Variants in ZFAT observed in about 807,000 individuals in gnomAD.
ZFAT encodes the protein zinc finger and AT-hook domain containing.
Under a neutral mutation model 117.7 loss-of-function variants are expected in ZFAT, and 64 were observed. The observed-to-expected ratio is 0.54, with a 90% confidence interval of 0.44 to 0.67. The LOEUF (loss-of-function observed/expected upper bound fraction) is 0.67. Ranked by LOEUF, ZFAT falls within the 30% of genes least tolerant of loss-of-function variation. The pLI is 0.00. For missense variants in ZFAT, 1,433 were observed against 1,584.5 expected (o/e 0.90, Z 1.62); for synonymous variants, 679 against 615.0 (o/e 1.10, Z -1.54).
At chr8:134,507,761 G>C (rs541852887) in intron 15 of ZFAT, among the ~76,000 whole-genome samples, 5 of 152,230 alleles carry the variant, frequency 3.3e-5, no homozygotes, top group Admixed American at 1.3e-4. Flanking sequence ...AATCAATCTA[G>C]TTCTCAGAAA....
the ZFAT span, among the ~76,000 whole-genome samples, chr8:134,802,238 G>A: frequency 6.6e-6 from 1 of 152,128 alleles, no homozygotes; most frequent in African/African-American, 2.4e-5. Flanking sequence ...ATCTGAAACA[G>A]CCTTATTTTA....
At chr8:134,811,519 T>C in the ZFAT span, among the ~76,000 whole-genome samples, 55 of 152,302 alleles carry the variant, frequency 3.6e-4, 1 homozygote, top group East Asian at 9.6e-3. Flanking sequence ...GACAGAATGA[T>C]AGGGGAAACA....
At chr8:134,522,913 G>A (rs1820764701) in intron 12 of ZFAT, among the ~76,000 whole-genome samples, 1 of 152,114 alleles carries the variant, frequency 6.6e-6, no homozygotes, top group African/African-American at 2.4e-5. Context: ...GAGAATATCA[G>A]GTAAGAACTT....
At chr8:134,535,048 C>A (rs1821730463) in intron 11 of ZFAT, among the ~76,000 whole-genome samples, 1 of 152,208 alleles carries the variant, frequency 6.6e-6, no homozygotes. Flanking sequence ...CCCACTGTGA[C>A]AGCTGTGACA....
chr8:134,600,394 C>A (rs777068185), intron 7 of ZFAT, 42 bp downstream of exon 7: 2 of 1,545,416 alleles, frequency 1.3e-6, no homozygotes, highest in Non-Finnish European at 1.8e-6. Flanking sequence ...AAGCAATGAG[C>A]ACCCAGGGGA....
intron 3 of ZFAT, among the ~76,000 whole-genome samples, chr8:134,632,620 A>G (rs62525569): frequency 0.012 from 1,830 of 152,346 alleles, 16 homozygotes; most frequent in Non-Finnish European, 0.016. Flanking sequence ...TAAATTTTGT[A>G]AACTATGATA....
At chr8:134,779,305 A>G in the ZFAT span, among the ~76,000 whole-genome samples, 1 of 152,324 alleles carries the variant, frequency 6.6e-6, no homozygotes, top group African/African-American at 2.4e-5. Flanking sequence ...AATACAGACT[A>G]CACAAAACAA....
chr8:134,811,085 G>T, the ZFAT span, among the ~76,000 whole-genome samples: 1 of 152,076 alleles, frequency 6.6e-6, no homozygotes, highest in African/African-American at 2.4e-5. Context: ...AGTACACAGG[G>T]ACCAAAAACA....
At chr8:134,760,404 A>G in the ZFAT span, among the ~76,000 whole-genome samples, 2 of 152,098 alleles carry the variant, frequency 1.3e-5, no homozygotes, top group African/African-American at 4.8e-5. Context: ...TAAACACAAC[A>G]ATTCTATTGG....
At chr8:134,803,514 A>G in the ZFAT span, among the ~76,000 whole-genome samples, 1 of 152,182 alleles carries the variant, frequency 6.6e-6, no homozygotes, top group African/African-American at 2.4e-5. Context: ...TCCAGCCTGA[A>G]AATTGTATTT....
intron 11 of ZFAT, among the ~76,000 whole-genome samples, chr8:134,540,140 A>G (rs1182295389): frequency 6.6e-6 from 1 of 152,232 alleles, no homozygotes; most frequent in Non-Finnish European, 1.5e-5. Flanking sequence ...AGCCATAGAA[A>G]GAGAGTGTAT....
intron 1 of ZFAT, among the ~76,000 whole-genome samples, chr8:134,710,845 C>T (rs983105189): frequency 3.3e-5 from 5 of 152,224 alleles, no homozygotes; most frequent in Admixed American, 2.6e-4. Context: ...TGTCTGGCAT[C>T]GCCATCATTC....
intron 10 of ZFAT, among the ~76,000 whole-genome samples, chr8:134,576,616 A>G (rs1182734431): frequency 6.6e-6 from 1 of 152,240 alleles, no homozygotes; most frequent in African/African-American, 2.4e-5. Flanking sequence ...TTTTAGAAGC[A>G]AAAGGCCATG....
At chr8:134,677,851 C>T (rs1260751384) in intron 1 of ZFAT, among the ~76,000 whole-genome samples, 4 of 151,948 alleles carry the variant, frequency 2.6e-5, no homozygotes, top group Admixed American at 6.6e-5. Context: ...ACAAAAACCA[C>T]GATTATCTCA....
chr8:134,608,397 T>G (rs1034188103), intron 5 of ZFAT, among the ~76,000 whole-genome samples: 14 of 152,224 alleles, frequency 9.2e-5, no homozygotes, highest in Non-Finnish European at 4.4e-5. Context: ...AGTGAAGCTA[T>G]AAATGTCTAA....
At chr8:134,505,952 C>T (rs939829862) in intron 15 of ZFAT, among the ~76,000 whole-genome samples, 1 of 152,148 alleles carries the variant, frequency 6.6e-6, no homozygotes, top group African/African-American at 2.4e-5. Context: ...TAAATGAGTG[C>T]CCGTCAACCA....
intron 15 of ZFAT, among the ~76,000 whole-genome samples, chr8:134,489,912 C>T (rs768723755): frequency 2.0e-5 from 3 of 152,188 alleles, no homozygotes; most frequent in African/African-American, 7.2e-5. Flanking sequence ...GAAGGCACCA[C>T]CATCCACCCT....
chr8:134,623,730 A>C (rs527981199), intron 3 of ZFAT, among the ~76,000 whole-genome samples: 1 of 151,796 alleles, frequency 6.6e-6, no homozygotes, highest in African/African-American at 2.4e-5. Context: ...AGCAAATGCT[A>C]TTTCCTCTTG....
At chr8:134,798,224 A>G in the ZFAT span, 1 of 152,000 alleles carries the variant, frequency 6.6e-6, no homozygotes, top group Non-Finnish European at 1.5e-5. Context: ...TAAGATACCA[A>G]ATCTTCAAAA....
Sources: gnomAD v4.1 joint callset for allele counts (sites outside exome capture counted in the v4.1 genomes callset) on GRCh38, gnomAD v4.1.1 for gene constraint, MANE v1.5 for transcripts, NCBI Gene and HGNC (gene_info 2026-07-23, HGNC 2026-07-21) for gene names.